IDO1: variants seen among roughly 807,000 people sequenced by gnomAD.
IDO1 encodes indoleamine 2,3-dioxygenase 1.
In IDO1, 35 loss-of-function variants were observed where a neutral mutation model predicts 38.8. The observed-to-expected ratio is 0.90, with a 90% confidence interval of 0.69 to 1.20. The LOEUF (loss-of-function observed/expected upper bound fraction) is 1.20, where lower values mean the gene tolerates loss of function less well. Among genes scored for constraint, IDO1 ranks in the 50% most tolerant of loss-of-function variants. IDO1 has a pLI of 0.00. For missense variants in IDO1, 509 were observed against 485.1 expected (o/e 1.05, Z -0.46); for synonymous variants, 171 against 170.0 (o/e 1.01, Z -0.05).
At position 39,914,901 on chromosome 8, in the gene IDO1, G is replaced by A. The variant is rs566122373; in HGVS notation, c.87+892G>A. Among the ~76,000 whole-genome samples the A allele has an allele frequency of 1.1e-4, 17 of 152,218 alleles. No individual in the cohort carries two copies. In the South Asian group the frequency reaches 3.3e-3, roughly 30 times the overall value. On this transcript the variant is annotated intron_variant, in intron 1 of 9. Coordinates refer to ENST00000518237, the MANE Select transcript of IDO1 (RefSeq NM_002164.6). ...CTGCCTCAGCCTCCCAAGTAGCTGG[G>A]ATTATAGGCACCTGCCACCACACCC... is the stretch of plus-strand genomic sequence containing the variant.
intron 3 of IDO1, 119 bp downstream of exon 3, chr8:39,918,326 C>A: frequency 2.2e-6 from 2 of 916,518 alleles, no homozygotes; most frequent in Non-Finnish European, 3.3e-6. Flanking sequence ...TTAGATAACA[C>A]GACAAAATGA....
intron 5 of IDO1, among the ~76,000 whole-genome samples, chr8:39,921,982 T>TTTG (rs1014931121): frequency 2.0e-5 from 3 of 152,078 alleles, no homozygotes; most frequent in Non-Finnish European, 1.5e-5. Context: ...CTGAGTGTTT[T>TTTG]TTGTTGTTGT....
In IDO1 at chr8:39,927,958, C is replaced by T. The variant is rs1279219716; in HGVS notation, c.985C>T (p.Arg329Trp). ...CCTTTCAAAAGGTGATGCTGGCCTGCGGGAAGCTTATGACGCCTGTGTGAA... is the reference window on the plus strand; with the variant it reads ...CCTTTCAAAAGGTGATGCTGGCCTGTGGGAAGCTTATGACGCCTGTGTGAA... The part of the protein sequence containing the change: ...FVLSKGDAGL[R>W]EAYDACVKAL... Residue 329 changes from arginine (R) to tryptophan (W), a missense_variant, in exon 10 of 10, where the codon CGG (arginine) becomes TGG (tryptophan). Transcript: ENST00000518237. 23 of 1,604,514 alleles carry T rather than the reference C, an allele frequency of 1.4e-5. No individual in the cohort carries two copies. Among genetic ancestry groups the T allele is most frequent in the Admixed American group, 1.4e-4 (8 of 58,358 alleles).
chr8:39,918,135 C>T lies in IDO1; in HGVS notation c.231C>T (p.Arg77=). 1 of 1,613,906 alleles carries T rather than the reference C, an allele frequency of 6.2e-7. No individual in the cohort carries two copies. Among genetic ancestry groups the T allele is most frequent in the East Asian group, 2.2e-5 (1 of 44,876 alleles). ...ATCTCACAGACCACAAGTCACAGCG[C>T]CTTGCACGTCTAGTTCTGGGATGCA... The part of the protein sequence containing the change: ...IDHLTDHKSQ[R]LARLVLGCIT... Residue 77 remains arginine (R), a synonymous_variant, in exon 3 of 10, where the codon CGC becomes CGT. Coordinates refer to ENST00000518237, the MANE Select transcript of IDO1 (RefSeq NM_002164.6).
At chr8:39,920,224 C>A in intron 5 of IDO1, 110 bp downstream of exon 5, 3 of 797,758 alleles carry the variant, frequency 3.8e-6, no homozygotes, top group Non-Finnish European at 6.0e-6. Flanking sequence ...TGAATTCAGC[C>A]AAAAAATAAT....
chr8:39,924,815 A>T (rs1373438870), intron 8 of IDO1, 43 bp downstream of exon 8: 1 of 1,398,692 alleles, frequency 7.1e-7, no homozygotes, highest in Admixed American at 1.8e-5. Flanking sequence ...TCACTTAACA[A>T]AGAACACCAC....
rs12545877 is a variant in IDO1, at chr8:39,918,825, G to T, written c.314G>T (p.Arg105Ile). The change falls in exon 4 of 10, where the codon AGA (arginine) becomes ATA (isoleucine). Residue 105 changes from arginine (R) to isoleucine (I), a missense_variant. Coordinates refer to ENST00000518237, the MANE Select transcript of IDO1 (RefSeq NM_002164.6). Reference sequence around the variant, plus strand: ...CTGTATTTTAATCAGGTCTTGCCAAGAAATATTGCTGTTCCTTACTGCCAA... The same window carrying T: ...CTGTATTTTAATCAGGTCTTGCCAATAAATATTGCTGTTCCTTACTGCCAA... Reference protein sequence around the residue: ...GHGDVRKVLPRNIAVPYCQLS... With the variant: ...GHGDVRKVLPINIAVPYCQLS... 1.3e-6 allele frequency: 2 copies of T among 1,592,162 alleles called. No individual in the cohort carries two copies. Among genetic ancestry groups the T allele is most frequent in the Non-Finnish European group, 8.6e-7 (1 of 1,165,464 alleles).
chr8:39,914,452 G>A (rs951263621), intron 1 of IDO1, among the ~76,000 whole-genome samples: 7 of 152,112 alleles, frequency 4.6e-5, no homozygotes, highest in African/African-American at 1.4e-4. Context: ...ATTTGATGGG[G>A]TTTATGAGAT....
chr8:39,926,244 C>A (rs1030298966), intron 9 of IDO1, among the ~76,000 whole-genome samples: 1 of 152,142 alleles, frequency 6.6e-6, no homozygotes, highest in South Asian at 2.1e-4. Flanking sequence ...ATTGGCAGAG[C>A]TTTCCTCACA....
intron 1 of IDO1, chr8:39,915,594 T>C (rs1807163028): frequency 6.6e-6 from 1 of 152,164 alleles, no homozygotes; most frequent in African/African-American, 2.4e-5. Flanking sequence ...GTTTGCTTTA[T>C]TCATGCAAAA....
In IDO1 at chr8:39,922,658, C is replaced by G. The variant is rs771218920; in HGVS notation, c.537+7C>G. ...AGCTGCTTCTGCAATCAAAGTACGT[C>G]TATCCTCACTTCAAAATTTATATGT... On this transcript the variant is annotated splice_region_variant and intron_variant, in intron 6 of 9. Transcript: ENST00000518237. The G allele has an allele frequency of 4.4e-6, 7 of 1,574,666 alleles. No individual in the cohort carries two copies. In the South Asian group the frequency reaches 7.8e-5, roughly 17 times the overall value.
At chr8:39,920,828 C>CAA (rs939599743) in intron 5 of IDO1, 33 of 113,916 alleles carry the variant, frequency 2.9e-4, no homozygotes, top group African/African-American at 9.9e-4. Context: ...GACTCCATCT[C>CAA]AAAAAAAAAA....
In IDO1 at chr8:39,918,074, C is replaced by A. The variant is rs752292014; in HGVS notation, c.184-14C>A. On this transcript the variant is annotated splice_polypyrimidine_tract_variant and intron_variant, in intron 2 of 9. Coordinates refer to ENST00000518237, the MANE Select transcript of IDO1 (RefSeq NM_002164.6). ...CTGAGATTGATTTGAGTCAATTGCT[C>A]CATTTGTTTTCAGTTAAACATGCTC... 1.9e-6 allele frequency: 3 copies of A among 1,613,710 alleles called. No individual in the cohort carries two copies. In the South Asian group the frequency reaches 3.3e-5, roughly 18 times the overall value.
intron 1 of IDO1, chr8:39,914,238 G>A (rs1055314371): frequency 7.9e-5 from 31 of 390,554 alleles, no homozygotes; most frequent in South Asian, 4.7e-4. Context: ...ACATGGATAC[G>A]GAGAGTGGTG....
At chr8:39,918,769 A>C (rs777768754) in intron 3 of IDO1, 46 bp from the exon 4 acceptor site, 6 of 367,050 alleles carry the variant, frequency 1.6e-5, no homozygotes, top group Middle Eastern at 5.8e-4. Context: ...AAAAAAAAAA[A>C]CAACAACAAC....
intron 5 of IDO1, among the ~76,000 whole-genome samples, chr8:39,921,152 T>G (rs945608197): frequency 2.0e-5 from 3 of 152,040 alleles, no homozygotes; most frequent in Non-Finnish European, 4.4e-5. Context: ...CTAATGTCAC[T>G]GATAATAAGT....
chr8:39,916,917 T>C (rs1807182413), intron 1 of IDO1, among the ~76,000 whole-genome samples: 1 of 152,224 alleles, frequency 6.6e-6, no homozygotes, highest in South Asian at 2.1e-4. Flanking sequence ...AAATAAGATG[T>C]ACTAGATGGT....
At chr8:39,924,836 T>C (rs1807335613) in intron 8 of IDO1, 64 bp downstream of exon 8, 5 of 1,220,420 alleles carry the variant, frequency 4.1e-6, no homozygotes, top group African/African-American at 1.5e-5. Context: ...CAAATTCTCT[T>C]GGTTGGTCCC....
At chr8:39,925,893 A>G (rs1280738235) in intron 9 of IDO1, among the ~76,000 whole-genome samples, 1 of 151,866 alleles carries the variant, frequency 6.6e-6, no homozygotes, top group Non-Finnish European at 1.5e-5. Flanking sequence ...CAAAATAAAA[A>G]TAAAAAATAA....
Sources: allele counts gnomAD v4.1 joint callset (sites outside exome capture counted in the v4.1 genomes callset), GRCh38; gene constraint gnomAD v4.1.1; transcripts MANE v1.5; gene names NCBI Gene and HGNC (gene_info 2026-07-23, HGNC 2026-07-21).